THSD7B: variants seen among roughly 807,000 people sequenced by gnomAD.
THSD7B encodes thrombospondin type 1 domain containing 7B, also known as thrombospondin type-1 domain-containing protein 7B.
Under a neutral mutation model 213.6 loss-of-function variants are expected in THSD7B, and 138 were observed. The observed-to-expected ratio is 0.65, with a 90% CI of 0.56 to 0.74. The LOEUF is 0.74. Ranked by LOEUF, THSD7B falls within the 30% of genes least tolerant of loss-of-function variation. THSD7B has a pLI of 0.00. For synonymous variants in THSD7B, 742 were observed against 687.0 expected (o/e 1.08, Z -1.25); for missense variants, 1,931 against 1,991.5 (o/e 0.97, Z 0.58).
At chr2:137,033,585 T>A (rs907264421) in intron 2 of THSD7B, among the ~76,000 whole-genome samples, 3 of 151,916 alleles carry the variant, frequency 2.0e-5, no homozygotes, top group Non-Finnish European at 2.9e-5. Context: ...TGGAGTTTTT[T>A]TCTTAGATAT....
chr2:136,950,808 G>A (rs955023726), intron 2 of THSD7B, among the ~76,000 whole-genome samples: 2 of 152,148 alleles, frequency 1.3e-5, no homozygotes, highest in Admixed American at 6.5e-5. Context: ...TTTCGTTTCA[G>A]GGATACTGAA....
intron 2 of THSD7B, among the ~76,000 whole-genome samples, chr2:136,994,261 T>C (rs985466880): frequency 5.3e-5 from 8 of 152,258 alleles, no homozygotes; most frequent in African/African-American, 1.9e-4. Flanking sequence ...GAATTGTAGC[T>C]TGAAAATCTA....
intron 12 of THSD7B, among the ~76,000 whole-genome samples, chr2:137,371,929 T>C (rs1179262318): frequency 2.0e-5 from 3 of 152,202 alleles, no homozygotes; most frequent in Non-Finnish European, 4.4e-5. Flanking sequence ...CCCCTTATCA[T>C]GTTTTAATTT....
chr2:136,797,036 T>G (rs1682080942), intron 1 of THSD7B, among the ~76,000 whole-genome samples: 1 of 149,088 alleles, frequency 6.7e-6, no homozygotes, highest in Non-Finnish European at 1.5e-5. Flanking sequence ...GAAGACTCAT[T>G]TGTTTTTGTC....
At chr2:137,141,509 CACACACA>C (rs1347503740) in intron 5 of THSD7B, among the ~76,000 whole-genome samples, 3 of 151,670 alleles carry the variant, frequency 2.0e-5, no homozygotes, top group Non-Finnish European at 2.9e-5. Context: ...CACACACACA[CACACACA>C]CACACAGGAA....
chr2:136,931,469 G>A (rs1466242198), intron 2 of THSD7B, among the ~76,000 whole-genome samples: 4 of 152,148 alleles, frequency 2.6e-5, no homozygotes, highest in Admixed American at 6.5e-5. Flanking sequence ...TGATGGTGGA[G>A]GTTCATGCTC....
At chr2:136,867,041 A>T (rs1380836574) in intron 1 of THSD7B, among the ~76,000 whole-genome samples, 2 of 152,146 alleles carry the variant, frequency 1.3e-5, no homozygotes, top group Admixed American at 1.3e-4. Context: ...CATTTATTCA[A>T]CATCTACTGT....
Position 136,995,918 on chromosome 2 carries a change from A to G in THSD7B, c.140-60502A>G, listed in dbSNP as rs376272635. Among the ~76,000 whole-genome samples, 22 of 152,350 alleles carry G rather than the reference A, an allele frequency of 1.4e-4. No individual in the cohort carries two copies. In the South Asian group the frequency reaches 2.7e-3, roughly 19 times the overall value. ...CAGGGTACATGTCATTATTGAAGTC[A>G]GAGTTAATAACAGTGTATTCTGCAG... is the stretch of plus-strand genomic sequence containing the variant. On this transcript the variant is annotated intron_variant, in intron 2 of 27. Transcript: ENST00000409968.
chr2:136,926,065 C>T (rs918633296), intron 2 of THSD7B, among the ~76,000 whole-genome samples: 3 of 152,100 alleles, frequency 2.0e-5, no homozygotes, highest in Non-Finnish European at 4.4e-5. Flanking sequence ...GCTTCTTGAT[C>T]AACTTCACCA....
chr2:137,343,564 C>T (rs1341217769), intron 12 of THSD7B, among the ~76,000 whole-genome samples: 2 of 151,790 alleles, frequency 1.3e-5, no homozygotes, highest in South Asian at 4.2e-4. Context: ...CAGGATGACT[C>T]TTGCTGTGCA....
intron 15 of THSD7B, among the ~76,000 whole-genome samples, chr2:137,505,052 G>A (rs1187691309): frequency 1.3e-5 from 2 of 151,896 alleles, no homozygotes; most frequent in African/African-American, 4.8e-5. Context: ...GAGGGAGGGA[G>A]GGAGGAGCAA....
chr2:137,288,140 C>T (rs982096115), intron 12 of THSD7B, among the ~76,000 whole-genome samples: 1 of 152,090 alleles, frequency 6.6e-6, no homozygotes, highest in Non-Finnish European at 1.5e-5. Flanking sequence ...AGGACTAACA[C>T]TCTTTCCAGG....
At chr2:137,086,244 G>A (rs1687839617) in intron 3 of THSD7B, among the ~76,000 whole-genome samples, 1 of 152,028 alleles carries the variant, frequency 6.6e-6, no homozygotes, top group Non-Finnish European at 1.5e-5. Flanking sequence ...GGCTGAGGCA[G>A]GAGAATCACT....
chr2:137,322,100 C>A (rs941832042), intron 12 of THSD7B, among the ~76,000 whole-genome samples: 10 of 152,176 alleles, frequency 6.6e-5, no homozygotes, highest in Non-Finnish European at 1.3e-4. Context: ...AGTGTTAATA[C>A]CACTGTGGGA....
At chr2:137,525,680 A>C (rs1188345285) in intron 15 of THSD7B, among the ~76,000 whole-genome samples, 1 of 152,200 alleles carries the variant, frequency 6.6e-6, no homozygotes, top group Non-Finnish European at 1.5e-5. Flanking sequence ...TTCATAATGT[A>C]CTATGCTTAA....
At chr2:137,555,945 G>A (rs6430730) in intron 15 of THSD7B, among the ~76,000 whole-genome samples, 1 of 151,966 alleles carries the variant, frequency 6.6e-6, no homozygotes, top group African/African-American at 2.4e-5. Context: ...GGGTATCAGT[G>A]ATTGAAGATC....
intron 12 of THSD7B, among the ~76,000 whole-genome samples, chr2:137,386,969 A>G (rs562252881): frequency 1.3e-5 from 2 of 152,268 alleles, no homozygotes; most frequent in East Asian, 1.9e-4. Flanking sequence ...ATAATTTTAC[A>G]TTTGTGCCAG....
chr2:137,312,900 A>G (rs1258842948), intron 12 of THSD7B, among the ~76,000 whole-genome samples: 1 of 150,904 alleles, frequency 6.6e-6, no homozygotes, highest in Non-Finnish European at 1.5e-5. Context: ...GTTCTTTTAC[A>G]TTTGCTGAGG....
chr2:136,783,348 C>G (rs921432979), intron 1 of THSD7B, among the ~76,000 whole-genome samples: 2 of 152,086 alleles, frequency 1.3e-5, no homozygotes, highest in Non-Finnish European at 2.9e-5. Context: ...TCATATCAGG[C>G]AGAATTGAGC....
Sources: allele counts gnomAD v4.1 joint callset (sites outside exome capture counted in the v4.1 genomes callset), GRCh38; gene constraint gnomAD v4.1.1; transcripts MANE v1.5; gene names NCBI Gene and HGNC (gene_info 2026-07-23, HGNC 2026-07-21).